Variants in PCDH15 observed in about 807,000 individuals in gnomAD.
PCDH15 encodes the protein protocadherin related 15.
In PCDH15, 129 loss-of-function variants were observed where a neutral mutation model predicts 178.5. That is an observed-to-expected ratio of 0.72 (90% confidence interval 0.63 to 0.84). The LOEUF (loss-of-function observed/expected upper bound fraction) is 0.84, where lower values mean the gene tolerates loss of function less well. Among genes scored for constraint, PCDH15 ranks in the 40% least tolerant of loss-of-function variants. The probability of loss-of-function intolerance (pLI) is 0.00; values close to 1 mark genes in which losing one functional copy is unlikely to be tolerated. For synonymous variants in PCDH15, 800 were observed against 732.0 expected, an observed-to-expected ratio of 1.09 and a Z score of -1.50; for missense variants, 2,230 against 2,099.9, an observed-to-expected ratio of 1.06 and a Z score of -1.21.
chr10:55,545,030 G>A (rs181405185), intron 2 of PCDH15, among the ~76,000 whole-genome samples: 1 of 152,188 alleles, frequency 6.6e-6, no homozygotes, highest in Admixed American at 6.5e-5. Flanking sequence ...TTTTTAAAGT[G>A]TATCTTCAAA....
intron 2 of PCDH15, among the ~76,000 whole-genome samples, chr10:54,970,289 C>T (rs1838899588): frequency 6.6e-6 from 1 of 152,070 alleles, no homozygotes. Context: ...CACAAATGAA[C>T]TAATACATAA....
At chr10:55,318,007 G>A (rs1336780838) in intron 1 of PCDH15, among the ~76,000 whole-genome samples, 3 of 152,156 alleles carry the variant, frequency 2.0e-5, no homozygotes, top group Admixed American at 6.5e-5. Flanking sequence ...TCTACATAAA[G>A]TCTTAGTGAA....
intron 2 of PCDH15, among the ~76,000 whole-genome samples, chr10:55,523,271 G>A (rs1841226326): frequency 6.6e-6 from 1 of 150,900 alleles, no homozygotes; most frequent in South Asian, 2.1e-4. Context: ...TGTTTCACAG[G>A]TGTCATATAT....
At position 53,806,568 on chromosome 10, in the gene PCDH15, T is replaced by TA. The variant is rs900905707; in HGVS notation, c.*10dup. On this transcript the variant is annotated 3_prime_UTR_variant, in exon 38 of 38. Coordinates refer to ENST00000644397, the MANE Select transcript of PCDH15 (RefSeq NM_001384140.1). ...AGTAAAAATTAATTAAAATATCTTT[T>TA]AAAAAATTGGTCACAGTTTTGTCAT... is the stretch of plus-strand genomic sequence containing the variant. The TA allele has an allele frequency of 1.0e-5, 16 of 1,561,650 alleles. No individual in the cohort carries two copies. Among genetic ancestry groups the TA allele is most frequent in the Middle Eastern group, 1.7e-4 (1 of 5,854 alleles).
At chr10:53,980,671 GTTC>G (rs1264563813) in intron 21 of PCDH15, among the ~76,000 whole-genome samples, 1 of 152,158 alleles carries the variant, frequency 6.6e-6, no homozygotes, top group Non-Finnish European at 1.5e-5. Context: ...CAGCAAAATA[GTTC>G]TTCTTATTCC....
chr10:55,137,762 A>G (rs770043647), intron 2 of PCDH15, among the ~76,000 whole-genome samples: 4 of 152,140 alleles, frequency 2.6e-5, no homozygotes, highest in African/African-American at 4.8e-5. Flanking sequence ...TAAAATTATG[A>G]GCTTACAGAA....
At chr10:54,458,239 C>T (rs1198946505) in intron 3 of PCDH15, among the ~76,000 whole-genome samples, 1 of 152,104 alleles carries the variant, frequency 6.6e-6, no homozygotes, top group Non-Finnish European at 1.5e-5. Flanking sequence ...CCAGGCCCAA[C>T]AGAAGCCCTT....
At chr10:55,113,489 C>G (rs1368428200) in intron 2 of PCDH15, among the ~76,000 whole-genome samples, 1 of 151,912 alleles carries the variant, frequency 6.6e-6, no homozygotes, top group East Asian at 1.9e-4. Flanking sequence ...AGGTAGTCAT[C>G]AAATTCCCAA....
chr10:54,329,727 G>C (rs760256008), intron 6 of PCDH15, 21 bp from the exon 7 acceptor site: 3 of 1,403,630 alleles, frequency 2.1e-6, no homozygotes, highest in African/African-American at 2.8e-5. Context: ...TAAAGATACA[G>C]ACTTCAGATT....
intron 3 of PCDH15, among the ~76,000 whole-genome samples, chr10:54,876,468 G>A (rs1007531772): frequency 5.3e-5 from 8 of 152,128 alleles, no homozygotes; most frequent in South Asian, 2.1e-4. Context: ...CAAGGAATCC[G>A]GGCAAAGTAC....
At chr10:55,621,775 G>A (rs1837394840) in intron 2 of PCDH15, among the ~76,000 whole-genome samples, 1 of 150,860 alleles carries the variant, frequency 6.6e-6, no homozygotes, top group Non-Finnish European at 1.5e-5. Context: ...GGACTGCTGT[G>A]TTAAGGTGAA....
intron 2 of PCDH15, among the ~76,000 whole-genome samples, chr10:55,058,253 C>A (rs1841352155): frequency 6.6e-6 from 1 of 151,688 alleles, no homozygotes; most frequent in African/African-American, 2.4e-5. Context: ...CTCTGTTTCC[C>A]TGGCTAGAGT....
chr10:55,192,134 G>A (rs1179313111), intron 1 of PCDH15, among the ~76,000 whole-genome samples: 7 of 151,516 alleles, frequency 4.6e-5, no homozygotes, highest in Admixed American at 1.3e-4. Flanking sequence ...TGTGGAACAG[G>A]CACTCCACTT....
At chr10:55,597,607 C>T (rs2132138774) in intron 2 of PCDH15, among the ~76,000 whole-genome samples, 1 of 152,270 alleles carries the variant, frequency 6.6e-6, no homozygotes, top group East Asian at 1.9e-4. Context: ...GCATCCCTCT[C>T]TGAAAAGTGT....
At chr10:54,620,256 G>C (rs560536403) in intron 2 of PCDH15, among the ~76,000 whole-genome samples, 34 of 151,940 alleles carry the variant, frequency 2.2e-4, no homozygotes, top group African/African-American at 8.0e-4. Flanking sequence ...CCCATAATAT[G>C]ATTGTAGCAT....
intron 17 of PCDH15, among the ~76,000 whole-genome samples, chr10:54,071,014 C>T (rs544295377): frequency 2.0e-4 from 31 of 152,172 alleles, no homozygotes; most frequent in Admixed American, 1.0e-3. Context: ...ATTTGAAATT[C>T]GTGAGAACAT....
intron 2 of PCDH15, among the ~76,000 whole-genome samples, chr10:54,900,693 A>C (rs966680526): frequency 6.6e-6 from 1 of 152,214 alleles, no homozygotes; most frequent in East Asian, 1.9e-4. Context: ...CAATGTATAA[A>C]TGGCAACAAT....
At chr10:55,307,526 A>C (rs1036865492) in intron 1 of PCDH15, among the ~76,000 whole-genome samples, 1 of 151,726 alleles carries the variant, frequency 6.6e-6, no homozygotes, top group Non-Finnish European at 1.5e-5. Flanking sequence ...AAAAAATTAT[A>C]TTTTCTTTCC....
chr10:54,047,551 C>A (rs1590106191), intron 18 of PCDH15, among the ~76,000 whole-genome samples: 1 of 151,740 alleles, frequency 6.6e-6, no homozygotes, highest in African/African-American at 2.4e-5. Context: ...TTTCAGTTTT[C>A]AACCCTTGTG....
Sources: gnomAD v4.1 joint callset for allele counts (sites outside exome capture counted in the v4.1 genomes callset) on GRCh38, gnomAD v4.1.1 for gene constraint, MANE v1.5 for transcripts, NCBI Gene and HGNC (gene_info 2026-07-23, HGNC 2026-07-21) for gene names.